Variants in TSHZ2 observed in about 807,000 individuals in gnomAD.
TSHZ2 encodes the protein teashirt zinc finger homeobox 2, also known as teashirt homolog 2.
TSHZ2 carries 21 observed loss-of-function variants against 74.4 expected under a neutral mutation model. The ratio of observed to expected loss-of-function variants is 0.28; its 90% CI spans 0.20 to 0.41. TSHZ2 has a LOEUF of 0.41. Ranked by LOEUF, TSHZ2 falls within the 10% of genes least tolerant of loss-of-function variation. The pLI is 1.00. For synonymous variants in TSHZ2, 540 were observed against 515.3 expected (o/e 1.05, Z -0.65); for missense variants, 1,244 against 1,293.5 (o/e 0.96, Z 0.59).
At chr20:53,181,724 C>T (rs1478155172) in intron 1 of TSHZ2, among the ~76,000 whole-genome samples, 1 of 151,978 alleles carries the variant, frequency 6.6e-6, no homozygotes, top group Non-Finnish European at 1.5e-5. Context: ...CTGTCTCTAC[C>T]AAAAATACAA....
At chr20:53,068,423 T>C (rs750023506) in intron 1 of TSHZ2, among the ~76,000 whole-genome samples, 3 of 152,268 alleles carry the variant, frequency 2.0e-5, no homozygotes, top group Admixed American at 6.5e-5. Context: ...CTTCCCACTT[T>C]AGGAAATTTT....
chr20:53,385,974 C>G (rs1440104872), intron 2 of TSHZ2, among the ~76,000 whole-genome samples: 2 of 152,166 alleles, frequency 1.3e-5, no homozygotes, highest in African/African-American at 4.8e-5. Flanking sequence ...GGGTGTTAGA[C>G]CCATAGTCTC....
chr20:53,023,926 C>T (rs936652817), intron 1 of TSHZ2, among the ~76,000 whole-genome samples: 4 of 151,958 alleles, frequency 2.6e-5, no homozygotes, highest in African/African-American at 9.7e-5. Flanking sequence ...TCTGTTTGCA[C>T]CATTAGTGTT....
chr20:52,992,787 A>G (rs1328651579), intron 1 of TSHZ2, among the ~76,000 whole-genome samples: 13 of 152,206 alleles, frequency 8.5e-5, no homozygotes, highest in Admixed American at 8.5e-4. Context: ...CTTGTGACTA[A>G]GGTTAAACAA....
In TSHZ2 at chr20:53,253,756, G is replaced by A. The variant is rs45448297; in HGVS notation, c.298G>A (p.Gly100Ser). 60 of 1,614,020 alleles carry A rather than the reference G, an allele frequency of 3.7e-5. No individual in the cohort carries two copies. The South Asian group carries it at 6.0e-4, about 16-fold the overall frequency. Residue 100 changes from glycine to serine, a missense_variant, in exon 2 of 3, where the codon GGC (glycine) becomes AGC (serine). By Grantham distance (56) the Gly-to-Ser change is moderately conservative. Transcript: ENST00000371497. ...DQVSDIKSVCGRDASDKKAHT... is the reference protein window; with the variant it reads ...DQVSDIKSVCSRDASDKKAHT... ...GGTGTCGGACATCAAGAGTGTCTGCGGCAGAGATGCCTCAGACAAGAAAGC... is the reference window on the plus strand; with the variant it reads ...GGTGTCGGACATCAAGAGTGTCTGCAGCAGAGATGCCTCAGACAAGAAAGC...
rs1174228157 is a variant in TSHZ2 at position 53,049,788 on chromosome 20, T to C, written c.40+76455T>C. 3.9e-5 allele frequency among the ~76,000 whole-genome samples: 6 copies of C among 152,096 alleles called. No homozygotes were observed. The East Asian group carries it at 1.2e-3, about 29-fold the overall frequency. On this transcript the variant is annotated intron_variant, in intron 1 of 2. Coordinates refer to ENST00000371497, the MANE Select transcript of TSHZ2 (RefSeq NM_173485.6). Reference sequence around the variant, plus strand: ...GGAAAAAAAGCAGCATTTGAATCAATAGTAGGTACTTTAGGCTGGGCAGTG... The same window carrying C: ...GGAAAAAAAGCAGCATTTGAATCAACAGTAGGTACTTTAGGCTGGGCAGTG...
chr20:53,141,330 A>G (rs1473337934), intron 1 of TSHZ2, among the ~76,000 whole-genome samples: 2 of 152,154 alleles, frequency 1.3e-5, no homozygotes, highest in East Asian at 3.9e-4. Flanking sequence ...GTATCCTTCC[A>G]TCACTTCCTC....
intron 2 of TSHZ2, among the ~76,000 whole-genome samples, chr20:53,293,024 A>G (rs1373659224): frequency 6.6e-6 from 1 of 152,222 alleles, no homozygotes; most frequent in Admixed American, 6.5e-5. Context: ...GTGGGTAGGG[A>G]GTTTTGATGA....
intron 1 of TSHZ2, among the ~76,000 whole-genome samples, chr20:53,126,659 G>A (rs1476308659): frequency 6.6e-6 from 1 of 152,154 alleles, no homozygotes; most frequent in Non-Finnish European, 1.5e-5. Flanking sequence ...GGAGCTGGCA[G>A]GGTTAGTAAC....
intron 1 of TSHZ2, among the ~76,000 whole-genome samples, chr20:52,992,219 T>G (rs539342983): frequency 6.6e-6 from 1 of 152,324 alleles, no homozygotes; most frequent in Admixed American, 6.5e-5. Context: ...TCATTTGCAG[T>G]ACCTGGAACA....
At chr20:53,239,351 ATTCTGGAG>A (rs1386030411) in intron 1 of TSHZ2, among the ~76,000 whole-genome samples, 1 of 152,174 alleles carries the variant, frequency 6.6e-6, no homozygotes, top group African/African-American at 2.4e-5. Context: ...TTTAAGTAGG[ATTCTGGAG>A]TTCTGGCTAT....
At chr20:53,065,295 G>A (rs1201835460) in intron 1 of TSHZ2, among the ~76,000 whole-genome samples, 1 of 152,098 alleles carries the variant, frequency 6.6e-6, no homozygotes, top group Non-Finnish European at 1.5e-5. Flanking sequence ...ATTATTACTT[G>A]TATGCTCTGA....
intron 1 of TSHZ2, among the ~76,000 whole-genome samples, chr20:53,040,018 A>G (rs1278827786): frequency 2.0e-5 from 3 of 152,008 alleles, no homozygotes; most frequent in Non-Finnish European, 4.4e-5. Flanking sequence ...AGGCAGGAGA[A>G]TCGCTTGAAC....
chr20:53,185,417 G>A (rs957606662), intron 1 of TSHZ2: 1 of 1,296,400 alleles, frequency 7.7e-7, no homozygotes. Context: ...GTTCAAGCCT[G>A]TGATTCCAGC....
At chr20:53,164,768 A>G (rs929355739) in intron 1 of TSHZ2, among the ~76,000 whole-genome samples, 5 of 152,216 alleles carry the variant, frequency 3.3e-5, no homozygotes, top group Non-Finnish European at 5.9e-5. Context: ...TCGCCTTCCT[A>G]ACAATATCCC....
chr20:53,133,061 C>G (rs1296754445), intron 1 of TSHZ2, among the ~76,000 whole-genome samples: 1 of 152,082 alleles, frequency 6.6e-6, no homozygotes, highest in Non-Finnish European at 1.5e-5. Context: ...TAATATTATT[C>G]ATTGCATTGC....
At chr20:53,224,966 T>C (rs1989650938) in intron 1 of TSHZ2, among the ~76,000 whole-genome samples, 1 of 151,914 alleles carries the variant, frequency 6.6e-6, no homozygotes, top group Non-Finnish European at 1.5e-5. Context: ...TAAATCAGAG[T>C]CATCAAACTT....
chr20:53,012,707 C>T (rs992198513), intron 1 of TSHZ2, among the ~76,000 whole-genome samples: 3 of 152,048 alleles, frequency 2.0e-5, no homozygotes, highest in Non-Finnish European at 4.4e-5. Flanking sequence ...CACACCTACA[C>T]ATATGCACAG....
rs1988957829 is a variant in TSHZ2, at chr20:53,199,844, TCA to T, written c.41-53654_41-53653del. Among the ~76,000 whole-genome samples the T allele has an allele frequency of 2.0e-5, 3 of 152,324 alleles. No homozygotes were observed. The South Asian group carries it at 6.2e-4, about 32-fold the overall frequency. ...TTTTAGAATTCTGCCCACCACAGCC[TCA>T]GTCTTCTAATCTGTCAAGTGGGGAT... On this transcript the variant is annotated intron_variant, in intron 1 of 2. Coordinates refer to ENST00000371497, the MANE Select transcript of TSHZ2 (RefSeq NM_173485.6).
Sources: gnomAD v4.1 joint callset for allele counts (sites outside exome capture counted in the v4.1 genomes callset) on GRCh38, gnomAD v4.1.1 for gene constraint, MANE v1.5 for transcripts, NCBI Gene and HGNC (gene_info 2026-07-23, HGNC 2026-07-21) for gene names.